SLA: variants seen among roughly 807,000 people sequenced by gnomAD.
SLA encodes the protein Src like adaptor, also known as src-like-adapter.
In SLA, 16 loss-of-function variants were observed where a neutral mutation model predicts 30.3. The ratio of observed to expected loss-of-function variants is 0.53; its 90% CI spans 0.36 to 0.80. The LOEUF (loss-of-function observed/expected upper bound fraction) is 0.80, where lower values mean the gene tolerates loss of function less well. Ranked by LOEUF, SLA falls within the 30% of genes least tolerant of loss-of-function variation. The probability of loss-of-function intolerance (pLI) is 0.01; values close to 1 mark genes in which losing one functional copy is unlikely to be tolerated. For synonymous variants in SLA, 143 were observed against 137.8 expected (o/e 1.04, Z -0.26); for missense variants, 310 against 345.2 (o/e 0.90, Z 0.81).
intron 1 of SLA, among the ~76,000 whole-genome samples, chr8:133,080,479 C>G (rs925939522): frequency 6.6e-6 from 1 of 152,110 alleles, no homozygotes; most frequent in African/African-American, 2.4e-5. Flanking sequence ...TTCCCACGTC[C>G]CACCTCTCCC....
In SLA at chr8:133,050,875, C is replaced by T. The variant is rs766029140; in HGVS notation, c.102G>A (p.Pro34=). 7.0e-5 allele frequency: 113 copies of T among 1,613,718 alleles called. No homozygotes were observed. The highest frequency in any genetic ancestry group is 3.5e-4 in the Admixed American group (21 of 59,996). ...ATATCGGGGGGCTGATGTCAGGAGA[C>T]GGGTAGTCACTTAGCACGGCAAGGA... ...SDFLAVLSDY[P]SPDISPPIFR... The change falls in exon 4 of 9, where the codon CCG becomes CCA. Residue 34 remains proline (P), a synonymous_variant. Coordinates refer to ENST00000338087, the MANE Select transcript of SLA (RefSeq NM_001045556.3).
chr8:133,046,453 A>C (rs1373028282), intron 6 of SLA: 1 of 152,188 alleles, frequency 6.6e-6, no homozygotes, highest in South Asian at 2.1e-4. Context: ...CCGTGAGTCA[A>C]CCCAGCATGA....
At chr8:133,043,669 C>A (rs553498015) in intron 7 of SLA, among the ~76,000 whole-genome samples, 33 of 152,274 alleles carry the variant, frequency 2.2e-4, no homozygotes, top group African/African-American at 7.0e-4. Flanking sequence ...CTTGGACCTG[C>A]CTCTCCTGAG....
chr8:133,066,181 C>A (rs1843006340), intron 2 of SLA, among the ~76,000 whole-genome samples: 1 of 151,980 alleles, frequency 6.6e-6, no homozygotes, highest in Non-Finnish European at 1.5e-5. Context: ...AATAAATTAG[C>A]CGGGCGTGGT....
At chr8:133,059,405 T>C (rs1229115030) in intron 3 of SLA, among the ~76,000 whole-genome samples, 1 of 152,188 alleles carries the variant, frequency 6.6e-6, no homozygotes, top group Non-Finnish European at 1.5e-5. Flanking sequence ...ATGTTCAGCC[T>C]TTTCCCTTTG....
intron 7 of SLA, 86 bp from the exon 8 acceptor site, chr8:133,040,216 A>C (rs552120547): frequency 1.4e-6 from 2 of 1,430,732 alleles, no homozygotes; most frequent in East Asian, 2.5e-5. Flanking sequence ...TCTCCAGTGC[A>C]GCTCCCTGGC....
intron 1 of SLA, chr8:133,096,113 C>G: frequency 6.8e-7 from 1 of 1,468,842 alleles, no homozygotes; most frequent in Non-Finnish European, 9.5e-7. Flanking sequence ...GATGGATAAC[C>G]AGTATTGGCA....
At chr8:133,102,461 C>G in intron 1 of SLA, 92 bp downstream of exon 1, 1 of 1,142,814 alleles carries the variant, frequency 8.8e-7, no homozygotes, top group Non-Finnish European at 1.3e-6. Flanking sequence ...CAGGATCCAT[C>G]AAGTCCCTCT....
chr8:133,076,869 G>C (rs926605647), intron 1 of SLA: 1 of 152,092 alleles, frequency 6.6e-6, no homozygotes, highest in Non-Finnish European at 1.5e-5. Flanking sequence ...TGTGGGTCAC[G>C]GGAAAAGAAC....
intron 1 of SLA, among the ~76,000 whole-genome samples, chr8:133,090,305 G>A (rs931781916): frequency 6.6e-6 from 1 of 152,202 alleles, no homozygotes; most frequent in African/African-American, 2.4e-5. Flanking sequence ...AGAAGCCCTG[G>A]GTTTGGAGTT....
chr8:133,061,000 G>A (rs1842292248), intron 2 of SLA, among the ~76,000 whole-genome samples: 1 of 152,202 alleles, frequency 6.6e-6, no homozygotes, highest in East Asian at 1.9e-4. Flanking sequence ...CTTCGGGCAA[G>A]TCATTAACCT....
chr8:133,049,554 C>T (rs1200167606), intron 5 of SLA: 1 of 304,748 alleles, frequency 3.3e-6, no homozygotes, highest in Non-Finnish European at 6.4e-6. Flanking sequence ...CAGTAAGTGA[C>T]AGAGGCAGGA....
At chr8:133,084,719 C>G (rs889596608) in intron 1 of SLA, among the ~76,000 whole-genome samples, 10 of 152,226 alleles carry the variant, frequency 6.6e-5, no homozygotes, top group Non-Finnish European at 5.9e-5. Flanking sequence ...CATTTCCCAG[C>G]AGAAGTGCCC....
chr8:133,055,361 GCGCGCACACACA>G (rs1170860359), intron 3 of SLA, among the ~76,000 whole-genome samples: 138 of 131,756 alleles, frequency 1.0e-3, no homozygotes, highest in African/African-American at 1.7e-3. Flanking sequence ...ACACACGCAC[GCGCGCACACACA>G]CACACACACA....
intron 6 of SLA, among the ~76,000 whole-genome samples, chr8:133,045,440 A>G (rs1230438072): frequency 8.0e-6 from 1 of 125,004 alleles, no homozygotes. Context: ...TGTCACCCAG[A>G]CTGGAGTGCA....
At chr8:133,091,944 C>T (rs901274530) in intron 1 of SLA, among the ~76,000 whole-genome samples, 1 of 151,492 alleles carries the variant, frequency 6.6e-6, no homozygotes, top group African/African-American at 2.4e-5. Flanking sequence ...TGTGTGTTTC[C>T]ATCTGTGGCT....
At position 133,050,928 on chromosome 8, in the gene SLA, AG is replaced by A. The variant is rs1309379882; in HGVS notation, c.62-14del. 5.1e-6 allele frequency: 8 copies of A among 1,558,916 alleles called. No individual in the cohort carries two copies. Among genetic ancestry groups the A allele is most frequent in the Admixed American group, 1.7e-5 (1 of 59,906 alleles). Reference sequence around the variant, plus strand: ...TCGCTATCCAGTCCTGGGGAAACAAAGGCAAGGGGGAAGGGGGCAAGGTGCT... The same window carrying A: ...TCGCTATCCAGTCCTGGGGAAACAAAGCAAGGGGGAAGGGGGCAAGGTGCT... On this transcript the variant is annotated splice_polypyrimidine_tract_variant and intron_variant, in intron 3 of 8. Coordinates refer to ENST00000338087, the MANE Select transcript of SLA (RefSeq NM_001045556.3).
At chr8:133,085,668 TCA>T (rs1588044736) in intron 1 of SLA, among the ~76,000 whole-genome samples, 1 of 152,306 alleles carries the variant, frequency 6.6e-6, no homozygotes, top group East Asian at 1.9e-4. Flanking sequence ...AGATATTAAC[TCA>T]CACACACTAG....
At chr8:133,056,470 C>T (rs1841463604) in intron 3 of SLA, among the ~76,000 whole-genome samples, 1 of 152,326 alleles carries the variant, frequency 6.6e-6, no homozygotes, top group South Asian at 2.1e-4. Flanking sequence ...CGAGCCCATC[C>T]TCTTCCAGAG....
Sources: gnomAD v4.1 joint callset for allele counts (sites outside exome capture counted in the v4.1 genomes callset) on GRCh38, gnomAD v4.1.1 for gene constraint, MANE v1.5 for transcripts, NCBI Gene and HGNC (gene_info 2026-07-23, HGNC 2026-07-21) for gene names.